Variants in PCGF3 observed in about 807,000 individuals in gnomAD.
PCGF3 encodes polycomb group RING finger protein 3.
Under a neutral mutation model 33.1 loss-of-function variants are expected in PCGF3, and 7 were observed. That is an observed-to-expected ratio of 0.21 (90% CI 0.12 to 0.40). PCGF3 has a LOEUF of 0.40. PCGF3 is among the 10% of genes least tolerant of loss of function. The pLI is 1.00. For missense variants in PCGF3, 211 were observed against 313.3 expected, an observed-to-expected ratio of 0.67 and a Z score of 2.46; for synonymous variants, 153 against 121.3, an observed-to-expected ratio of 1.26 and a Z score of -1.72.
At chr4:715,032 G>C (rs1742749130) in intron 1 of PCGF3, among the ~76,000 whole-genome samples, 1 of 150,486 alleles carries the variant, frequency 6.6e-6, no homozygotes, top group South Asian at 2.1e-4. Context: ...TGTGAGAACT[G>C]GGCGTCGGTG....
chr4:752,831 CCT>C (rs1458842781), intron 8 of PCGF3, among the ~76,000 whole-genome samples: 3 of 152,252 alleles, frequency 2.0e-5, no homozygotes, highest in Admixed American at 6.5e-5. Context: ...CCTTCAGGCC[CCT>C]GTCAGATCCA....
At chr4:733,333 A>G (rs925412030) in intron 3 of PCGF3, among the ~76,000 whole-genome samples, 1 of 152,230 alleles carries the variant, frequency 6.6e-6, no homozygotes, top group East Asian at 1.9e-4. Context: ...CCGCTTTCAC[A>G]GAAGACAGAC....
intron 1 of PCGF3, among the ~76,000 whole-genome samples, chr4:726,229 T>A (rs1228511042): frequency 6.6e-6 from 1 of 152,262 alleles, no homozygotes; most frequent in East Asian, 1.9e-4. Context: ...AGTTGAGCAT[T>A]TAAAACATGC....
Position 741,040 on chromosome 4 carries a change from T to C in PCGF3, c.263-2434T>C, listed in dbSNP as rs372669333. Among the ~76,000 whole-genome samples the C allele has an allele frequency of 2.0e-4, 31 of 152,358 alleles. 2 individuals carry two copies. The South Asian group carries it at 2.5e-3, about 12-fold the overall frequency. ...GGATTATTTTGTTGTTGAACTGTCA[T>C]TGTTGATGGCAAAGCACCGACTTTC... On this transcript the variant is annotated intron_variant, in intron 6 of 10. Coordinates refer to ENST00000362003, the Ensembl canonical transcript of PCGF3.
exon 11 of PCGF3, chr4:769,246 G>C (rs1745514996): frequency 6.5e-6 from 1 of 152,674 alleles, no homozygotes; most frequent in African/African-American, 2.4e-5. Flanking sequence ...TGCACCCCCG[G>C]GCTTCGCAGC....
intron 6 of PCGF3, among the ~76,000 whole-genome samples, chr4:741,007 T>C (rs1390633410): frequency 6.6e-6 from 1 of 152,242 alleles, no homozygotes; most frequent in Non-Finnish European, 1.5e-5. Flanking sequence ...GAAGCCGCAG[T>C]GAACTCTGGA....
At chr4:752,061 A>AC (rs912571240) in intron 8 of PCGF3, among the ~76,000 whole-genome samples, 41 of 152,266 alleles carry the variant, frequency 2.7e-4, no homozygotes, top group Admixed American at 2.6e-4. Context: ...AAAATACTTG[A>AC]CGGGGCCTTT....
At chr4:734,632 A>C in intron 4 of PCGF3, 1 of 1,244,298 alleles carries the variant, frequency 8.0e-7, no homozygotes, top group Non-Finnish European at 1.0e-6. Flanking sequence ...CCATGTTCTG[A>C]TGACCCACAG....
intron 1 of PCGF3, among the ~76,000 whole-genome samples, chr4:728,647 TGTTA>T (rs1391079747): frequency 1.3e-5 from 2 of 152,168 alleles, no homozygotes; most frequent in Non-Finnish European, 2.9e-5. Flanking sequence ...TTGACCTGTT[TGTTA>T]GTTATTGTCT....
intron 9 of PCGF3, among the ~76,000 whole-genome samples, chr4:763,171 G>C (rs138721082): frequency 6.6e-6 from 1 of 152,306 alleles, no homozygotes. Context: ...ATGGGGCAAC[G>C]CTTTTTGCTA....
At chr4:712,952 G>A (rs1420844723) in intron 1 of PCGF3, among the ~76,000 whole-genome samples, 4 of 152,246 alleles carry the variant, frequency 2.6e-5, no homozygotes, top group Admixed American at 2.6e-4. Context: ...CGTTGGCCTT[G>A]TGGGTCTTAT....
intron 3 of PCGF3, among the ~76,000 whole-genome samples, chr4:731,603 C>T (rs80206705): frequency 0.031 from 2,621 of 85,654 alleles, 92 homozygotes; most frequent in Non-Finnish European, 0.047. Context: ...GGCGGGGCTC[C>T]CCTCCCCTCG....
chr4:729,151 A>C (rs1280632112), intron 1 of PCGF3, among the ~76,000 whole-genome samples: 1 of 146,260 alleles, frequency 6.8e-6, no homozygotes, highest in African/African-American at 2.5e-5. Context: ...ACGGTGGCTC[A>C]CACCTGTAAT....
At chr4:715,541 CTGAG>C (rs1742787343) in intron 1 of PCGF3, among the ~76,000 whole-genome samples, 1 of 135,276 alleles carries the variant, frequency 7.4e-6, no homozygotes, top group African/African-American at 2.8e-5. Context: ...CCTGTAGACA[CTGAG>C]TGTGAGAACT....
chr4:766,792 C>T (rs561693973), exon 11 of PCGF3: 2 of 152,242 alleles, frequency 1.3e-5, no homozygotes, highest in Admixed American at 6.5e-5. Context: ...GACGCCACGT[C>T]GGGATTTCTG....
At chr4:738,061 C>T (rs1325426972) in intron 6 of PCGF3, among the ~76,000 whole-genome samples, 1 of 152,262 alleles carries the variant, frequency 6.6e-6, no homozygotes, top group Non-Finnish European at 1.5e-5. Flanking sequence ...GACACTCTCA[C>T]GGTGGTGGCC....
chr4:760,572 CCT>C (rs1744995710), intron 8 of PCGF3, among the ~76,000 whole-genome samples: 3 of 152,180 alleles, frequency 2.0e-5, no homozygotes, highest in South Asian at 4.1e-4. Context: ...CAGTTAACCC[CCT>C]GTCCATTCTT....
chr4:718,709 T>G (rs566841065), intron 1 of PCGF3, among the ~76,000 whole-genome samples: 109 of 151,920 alleles, frequency 7.2e-4, no homozygotes, highest in Non-Finnish European at 1.3e-3. Flanking sequence ...GGGCTGGGAG[T>G]CAAGGACCAG....
intron 1 of PCGF3, chr4:722,537 G>C: frequency 4.1e-6 from 1 of 241,838 alleles, no homozygotes; most frequent in Non-Finnish European, 8.0e-6. Context: ...GTCATCGCCC[G>C]TCCGCGCCGG....
Sources: gnomAD v4.1 joint callset for allele counts (sites outside exome capture counted in the v4.1 genomes callset) on GRCh38, gnomAD v4.1.1 for gene constraint, MANE v1.5 for transcripts, NCBI Gene and HGNC (gene_info 2026-07-23, HGNC 2026-07-21) for gene names.